Variants in ARID2 observed in about 807,000 individuals in gnomAD.
ARID2 encodes the protein AT-rich interaction domain 2.
ARID2 carries 32 observed loss-of-function variants against 184.6 expected under a neutral mutation model. The ratio of observed to expected loss-of-function variants is 0.17; its 90% CI spans 0.13 to 0.23. The LOEUF is 0.23. ARID2 is among the 10% of genes least tolerant of loss of function. ARID2 has a pLI of 1.00. For missense variants in ARID2, 1,696 were observed against 2,197.6 expected, an observed-to-expected ratio of 0.77 and a Z score of 4.56; for synonymous variants, 836 against 772.6, an observed-to-expected ratio of 1.08 and a Z score of -1.36.
chr12:45,888,182 G>A (rs1253604135), intron 16 of ARID2, among the ~76,000 whole-genome samples: 1 of 145,578 alleles, frequency 6.9e-6, no homozygotes, highest in Non-Finnish European at 1.5e-5. Context: ...GTGACAGAGC[G>A]AGACTCCGTC....
chr12:45,903,578 A>C (rs976727440), intron 20 of ARID2, among the ~76,000 whole-genome samples: 2 of 152,184 alleles, frequency 1.3e-5, no homozygotes, highest in Admixed American at 1.3e-4. Flanking sequence ...GAAATGGCCC[A>C]AAAAACATGA....
chr12:45,767,751 C>T (rs929586514), intron 3 of ARID2, among the ~76,000 whole-genome samples: 1 of 152,222 alleles, frequency 6.6e-6, no homozygotes, highest in Admixed American at 6.5e-5. Flanking sequence ...GTTTGTACAT[C>T]TTCCTTGTTG....
At position 45,869,387 on chromosome 12, in the gene ARID2, G is replaced by A. The variant is rs906126282; in HGVS notation, c.4922+8438G>A. ...CACTTTTTTTTAGATTTCCCTTACT[G>A]GAAAAGGTATCAGCCCATGTTATTA... is the stretch of plus-strand genomic sequence containing the variant. On this transcript the variant is annotated intron_variant, in intron 16 of 20. Transcript: ENST00000334344. Among the ~76,000 whole-genome samples the A allele has an allele frequency of 4.6e-5, 7 of 151,956 alleles. No individual in the cohort carries two copies. The East Asian group carries it at 1.4e-3, about 29-fold the overall frequency.
At chr12:45,866,921 T>C (rs1943840144) in intron 16 of ARID2, among the ~76,000 whole-genome samples, 1 of 149,170 alleles carries the variant, frequency 6.7e-6, no homozygotes, top group South Asian at 2.1e-4. Context: ...TGGGTTGTTT[T>C]GTGAAGTTTG....
chr12:45,776,115 C>G (rs1327204188), intron 3 of ARID2: 2 of 168,428 alleles, frequency 1.2e-5, no homozygotes, highest in African/African-American at 4.8e-5. Context: ...AGCAGTGATT[C>G]TCTAACTGAG....
Position 45,851,929 on chromosome 12 carries a change from C to T in ARID2, c.3806C>T (p.Pro1269Leu), listed in dbSNP as rs752984515. 11 of 1,614,020 alleles carry T rather than the reference C, an allele frequency of 6.8e-6. No homozygotes were observed. The highest frequency in any genetic ancestry group is 5.5e-5 in the South Asian group (5 of 91,084). Residue 1269 changes from proline to leucine, a missense_variant, in exon 15 of 21, where the codon CCG (proline) becomes CTG (leucine). Physicochemically the swap from Pro to Leu is moderately conservative, Grantham distance 98 (BLOSUM62 -3). Around this residue, in one of 11 missense-constraint regions of ARID2, gnomAD observed 428 missense variants for 409.1 expected, o/e 1.05. Transcript: ENST00000334344. The stretch of plus-strand genomic sequence containing the variant: ...CGTAAAATTGAAGTCATGGAGAACC[C>T]GTCCTGCCGACGAGGAGCCACAAAC... ...HERKIEVMEN[P>L]SCRRGATNTS...
chr12:45,837,777 C>T (rs2138133413), intron 10 of ARID2, 70 bp downstream of exon 10: 1 of 1,378,746 alleles, frequency 7.3e-7, no homozygotes, highest in Non-Finnish European at 9.9e-7. Flanking sequence ...CTGTACAAAA[C>T]CCTCAATTTA....
rs772962698 is a variant in ARID2, at chr12:45,729,801, G to C, written c.-36G>C. 3.2e-6 allele frequency: 5 copies of C among 1,560,452 alleles called. No individual in the cohort carries two copies. The highest frequency in any genetic ancestry group is 2.3e-5 in the East Asian group (1 of 42,642). ...GAGCGGGGGGCGCTTTTAAAACACC[G>C]ATCTGGGTTTTTTAAAAACCTCCTT... On this transcript the variant is annotated 5_prime_UTR_variant, in exon 1 of 21. Coordinates refer to ENST00000334344, the MANE Select transcript of ARID2 (RefSeq NM_152641.4).
At position 45,860,808 on chromosome 12, in the gene ARID2, C is replaced by G. The variant is rs2138192231; in HGVS notation, c.4781C>G (p.Pro1594Arg). The stretch of plus-strand genomic sequence containing the variant: ...ATTTGTTCTTTTTCACAGAACACTC[C>G]TATGCCACCTTCACCAGCTGTACAA... ...YVQNVVPQNTPMPPSPAVQVQ... is the reference protein window; with the variant it reads ...YVQNVVPQNTRMPPSPAVQVQ... Residue 1594 changes from proline (P) to arginine (R), a missense_variant, in exon 16 of 21, where the codon CCT becomes CGT. By Grantham distance (103) the Pro-to-Arg change is moderately radical. Around this residue, in one of 11 missense-constraint regions of ARID2, gnomAD observed 111 missense variants for 154.0 expected, o/e 0.72. Coordinates refer to ENST00000334344, the MANE Select transcript of ARID2 (RefSeq NM_152641.4). 6.3e-7 allele frequency: 1 copy of G among 1,587,904 alleles called. No individual in the cohort carries two copies. The highest frequency in any genetic ancestry group is 8.6e-7 in the Non-Finnish European group (1 of 1,167,554).
At chr12:45,902,808 G>A (rs1014608349) in intron 20 of ARID2, among the ~76,000 whole-genome samples, 2 of 151,986 alleles carry the variant, frequency 1.3e-5, no homozygotes, top group African/African-American at 2.4e-5. Context: ...CTCCCAAAGC[G>A]TTTTGTAAAT....
chr12:45,813,021 C>T (rs916256831), intron 4 of ARID2, among the ~76,000 whole-genome samples: 2 of 151,994 alleles, frequency 1.3e-5, no homozygotes, highest in Non-Finnish European at 2.9e-5. Flanking sequence ...TTTGGTATTT[C>T]GGAAGCCTAT....
At chr12:45,873,226 T>C (rs1204568616) in intron 16 of ARID2, among the ~76,000 whole-genome samples, 1 of 152,194 alleles carries the variant, frequency 6.6e-6, no homozygotes, top group East Asian at 1.9e-4. Context: ...GTTAATATAG[T>C]TTATCTTTCT....
chr12:45,740,676 A>G (rs143044798), intron 3 of ARID2, among the ~76,000 whole-genome samples: 167 of 152,314 alleles, frequency 1.1e-3, no homozygotes, highest in African/African-American at 3.9e-3. Context: ...CTTAAATCAA[A>G]TTTTAACAGT....
At chr12:45,904,689 CAAAAAAAAAAAAA>C (rs755707280) in intron 20 of ARID2, among the ~76,000 whole-genome samples, 3 of 35,686 alleles carry the variant, frequency 8.4e-5, no homozygotes, top group African/African-American at 2.1e-4. Flanking sequence ...GACTCCTTCT[CAAAAAAAAAAAAA>C]AAAAAAAAAA....
rs2138178858 is a variant in ARID2, at chr12:45,852,442, A to G, written c.4319A>G (p.Gln1440Arg). 1 of 1,614,200 alleles carries G rather than the reference A, an allele frequency of 6.2e-7. No individual in the cohort carries two copies. The highest frequency in any genetic ancestry group is 8.5e-7 in the Non-Finnish European group (1 of 1,180,024). Reference sequence around the variant, plus strand: ...CAGGAGGCTTCAAATGCGGCAACACAGCAATTTAGTGGTACTGATTTGCTT... The same window carrying G: ...CAGGAGGCTTCAAATGCGGCAACACGGCAATTTAGTGGTACTGATTTGCTT... ...SIQEASNAAT[Q>R]QFSGTDLLNG... The change falls in exon 15 of 21, where the codon CAG becomes CGG. Residue 1440 changes from glutamine to arginine, a missense_variant. Physicochemically the swap from Gln to Arg is conservative, Grantham distance 43. This residue lies in a region of ARID2 where 428 missense variants were observed against 409.1 expected (regional missense o/e 1.05). Coordinates refer to ENST00000334344, the MANE Select transcript of ARID2 (RefSeq NM_152641.4).
intron 3 of ARID2, among the ~76,000 whole-genome samples, chr12:45,806,268 G>T (rs1412689461): frequency 1.3e-5 from 2 of 151,418 alleles, no homozygotes; most frequent in Non-Finnish European, 1.5e-5. Context: ...CTCTATTTTT[G>T]AAGCTTAAAT....
intron 10 of ARID2, among the ~76,000 whole-genome samples, chr12:45,838,402 G>A (rs1223663815): frequency 6.6e-6 from 1 of 152,164 alleles, no homozygotes; most frequent in Non-Finnish European, 1.5e-5. Context: ...AGAAGTTAAT[G>A]TGTCACTTTT....
intron 3 of ARID2, among the ~76,000 whole-genome samples, chr12:45,745,514 A>G (rs1213741861): frequency 6.6e-6 from 1 of 152,178 alleles, no homozygotes; most frequent in Non-Finnish European, 1.5e-5. Context: ...GAAGACTATC[A>G]GAGATTTCTT....
chr12:45,889,126 G>A (rs1421708518), intron 16 of ARID2, among the ~76,000 whole-genome samples: 1 of 152,198 alleles, frequency 6.6e-6, no homozygotes, highest in Non-Finnish European at 1.5e-5. Context: ...AGGTTGCAGT[G>A]AGCCAAGATT....
Sources: allele counts gnomAD v4.1 joint callset (sites outside exome capture counted in the v4.1 genomes callset), GRCh38; gene constraint gnomAD v4.1.1; regional missense constraint gnomAD v4.1.1; transcripts MANE v1.5; gene names NCBI Gene and HGNC (gene_info 2026-07-23, HGNC 2026-07-21).